Variants in ADGRG5 observed in about 807,000 individuals in gnomAD.
ADGRG5 encodes G protein-coupled receptor 114.
ADGRG5 carries 37 observed loss-of-function variants against 53.2 expected under a neutral mutation model. The ratio of observed to expected loss-of-function variants is 0.70; its 90% CI spans 0.53 to 0.91. The LOEUF (loss-of-function observed/expected upper bound fraction) is 0.91. Among genes scored for constraint, ADGRG5 ranks in the 40% least tolerant of loss-of-function variants. ADGRG5 has a pLI of 0.00. For missense variants in ADGRG5, 614 were observed against 675.8 expected (o/e 0.91, Z 1.01); for synonymous variants, 277 against 290.4 (o/e 0.95, Z 0.47).
intron 1 of ADGRG5, among the ~76,000 whole-genome samples, chr16:57,553,434 A>T (rs1412566931): frequency 6.6e-5 from 10 of 152,272 alleles, no homozygotes. Flanking sequence ...TGAATCAATT[A>T]TCCTTTCTCT....
At chr16:57,547,237 A>G (rs1464662235) in intron 1 of ADGRG5, among the ~76,000 whole-genome samples, 1 of 152,204 alleles carries the variant, frequency 6.6e-6, no homozygotes, top group African/African-American at 2.4e-5. Context: ...AATACAGAAA[A>G]TATAAAAGGA....
rs1339282617 is a variant in ADGRG5, at chr16:57,567,860, C to A, written c.826C>A (p.Gln276Lys). ...TVLLHFHFRKQSDSLTRIHMN... is the reference protein window; with the variant it reads ...TVLLHFHFRKKSDSLTRIHMN... Reference sequence around the variant, plus strand: ...GGACCATTCTCTCACCTGCAGGAAGCAGAGTGACTCCTTAACACGCATCCA... The same window carrying A: ...GGACCATTCTCTCACCTGCAGGAAGAAGAGTGACTCCTTAACACGCATCCA... Residue 276 changes from glutamine (Q) to lysine (K), a missense_variant, in exon 9 of 12, where the codon CAG becomes AAG. Physicochemically the swap from Gln to Lys is moderately conservative, Grantham distance 53. Coordinates refer to ENST00000349457, the MANE Select transcript of ADGRG5 (RefSeq NM_001304376.3). 2 of 1,608,152 alleles carry A rather than the reference C, an allele frequency of 1.2e-6. No individual in the cohort carries two copies. Among genetic ancestry groups the A allele is most frequent in the Non-Finnish European group, 1.7e-6 (2 of 1,178,798 alleles).
At chr16:57,549,251 C>T (rs1291393940) in intron 1 of ADGRG5, among the ~76,000 whole-genome samples, 3 of 152,222 alleles carry the variant, frequency 2.0e-5, no homozygotes, top group Admixed American at 1.3e-4. Flanking sequence ...CGTCCCCTTG[C>T]AGATGAGGCT....
chr16:57,544,044 C>T lies in ADGRG5; in HGVS notation c.-39+1343C>T, dbSNP rs1043158794. On this transcript the variant is annotated intron_variant, in intron 1 of 11. Transcript: ENST00000349457. ...TCTTCCAAAGGCTCTGTCCTGTGCT[C>T]CACAGCTCCTCATTTCTCTATTGGC... 5.9e-5 allele frequency among the ~76,000 whole-genome samples: 9 copies of T among 152,156 alleles called. No individual in the cohort carries two copies. The East Asian group carries it at 1.3e-3, about 23-fold the overall frequency.
Position 57,575,490 on chromosome 16 carries a change from G to A in ADGRG5, c.1539G>A (p.Glu513=). 6.2e-7 allele frequency: 1 copy of A among 1,614,230 alleles called. No homozygotes were observed. ...CCCAGCGGTGCCGCTCAGAAGCAGA[G>A]GCCAAGGCACAGATAGAGGCCTTCA... ...FCSQRCRSEA[E]AKAQIEAFSS... The change falls in exon 12 of 12, where the codon GAG becomes GAA. Residue 513 remains glutamate, a synonymous_variant. Coordinates refer to ENST00000349457, the MANE Select transcript of ADGRG5 (RefSeq NM_001304376.3).
At chr16:57,562,785 C>T (rs781160321) in intron 3 of ADGRG5, among the ~76,000 whole-genome samples, 3 of 152,090 alleles carry the variant, frequency 2.0e-5, no homozygotes, top group East Asian at 1.9e-4. Flanking sequence ...TCTAGGTGAG[C>T]GGCCAATGCT....
In ADGRG5 at chr16:57,570,794, G is replaced by A. The variant is rs1057502802; in HGVS notation, c.1208+259G>A. On this transcript the variant is annotated intron_variant, in intron 10 of 11. Coordinates refer to ENST00000349457, the MANE Select transcript of ADGRG5 (RefSeq NM_001304376.3). ...TGCTCGCCAACCTGCCAGGGCAGCC[G>A]GGCCTCCCGCCTCCTCTGTCCTGCC... 3.9e-5 allele frequency among the ~76,000 whole-genome samples: 6 copies of A among 152,154 alleles called. No individual in the cohort carries two copies. In the East Asian group the frequency reaches 5.8e-4, roughly 15 times the overall value.
chr16:57,575,468 A>G lies in ADGRG5; in HGVS notation c.1517A>G (p.Gln506Arg). 1 of 1,614,160 alleles carries G rather than the reference A, an allele frequency of 6.2e-7. No individual in the cohort carries two copies. The highest frequency in any genetic ancestry group is 1.1e-5 in the South Asian group (1 of 91,086). The part of the protein sequence containing the change: ...GFFLFLWFCS[Q>R]RCRSEAEAKA... ...TTCCTTTTCCTGTGGTTCTGCTCCC[A>G]GCGGTGCCGCTCAGAAGCAGAGGCC... Residue 506 changes from glutamine to arginine, a missense_variant, in exon 12 of 12, where the codon CAG becomes CGG. By Grantham distance (43) the Gln-to-Arg change is conservative. Coordinates refer to ENST00000349457, the MANE Select transcript of ADGRG5 (RefSeq NM_001304376.3).
chr16:57,558,543 C>G (rs1175416751), intron 1 of ADGRG5, among the ~76,000 whole-genome samples: 1 of 152,216 alleles, frequency 6.6e-6, no homozygotes, highest in Non-Finnish European at 1.5e-5. Flanking sequence ...TTCTCCTGCT[C>G]TAGCTTCAGC....
intron 9 of ADGRG5, among the ~76,000 whole-genome samples, chr16:57,570,008 T>TCACCACCTCTTC (rs111784565): frequency 6.7e-6 from 1 of 150,366 alleles, no homozygotes; most frequent in Non-Finnish European, 1.5e-5. Flanking sequence ...TTCACCACCA[T>TCACCACCTCTTC]CACCACCTAC....
intron 9 of ADGRG5, among the ~76,000 whole-genome samples, chr16:57,569,038 T>G (rs2033245996): frequency 6.9e-6 from 1 of 145,762 alleles, no homozygotes; most frequent in African/African-American, 2.6e-5. Flanking sequence ...CATCACCATC[T>G]CCTCCACCTC....
chr16:57,575,412 G>T, intron 11 of ADGRG5, 26 bp from the exon 12 acceptor site: 1 of 1,608,452 alleles, frequency 6.2e-7, no homozygotes, highest in Non-Finnish European at 8.5e-7. Context: ...ATGCTGCCCC[G>T]TGGAACTCCC....
chr16:57,566,764 C>A lies in ADGRG5; in HGVS notation c.699+13C>A. On this transcript the variant is annotated intron_variant, in intron 7 of 11. Transcript: ENST00000349457. Reference sequence around the variant, plus strand: ...TGCTGTTCTCATGGTATGTATGCATCCTGAGTGGGGCTCAGAGCTACAGAG... The same window carrying A: ...TGCTGTTCTCATGGTATGTATGCATACTGAGTGGGGCTCAGAGCTACAGAG... The A allele has an allele frequency of 6.9e-7, 1 of 1,457,704 alleles. No homozygotes were observed. 90.3% of individuals were successfully genotyped at this position (1,457,704 alleles called of 1,614,324 possible). A position where few individuals can be genotyped will look rare whatever the true frequency, so the allele number is the denominator to read the frequency against.
At chr16:57,565,208 T>C (rs2033103904) in intron 6 of ADGRG5, 58 bp downstream of exon 6, 1 of 1,027,166 alleles carries the variant, frequency 9.7e-7, no homozygotes, top group Admixed American at 1.8e-5. Flanking sequence ...GACTCTCCTG[T>C]TGAACACTGG....
In ADGRG5 at chr16:57,567,838, C is replaced by T; in HGVS notation, c.822-18C>T. The T allele has an allele frequency of 6.2e-7, 1 of 1,600,794 alleles. No homozygotes were observed. ...GGTGATGTCCCTGGGCCATGGAGGACCATTCTCTCACCTGCAGGAAGCAGA... is the reference window on the plus strand; with the variant it reads ...GGTGATGTCCCTGGGCCATGGAGGATCATTCTCTCACCTGCAGGAAGCAGA... On this transcript the variant is annotated intron_variant, in intron 8 of 11. Coordinates refer to ENST00000349457, the MANE Select transcript of ADGRG5 (RefSeq NM_001304376.3).
In ADGRG5 at chr16:57,575,052, G is replaced by T. The variant is rs1040005962; in HGVS notation, c.1446G>T (p.Leu482=). The change falls in exon 11 of 12, where the codon CTG becomes CTT. Residue 482 remains leucine (L), a synonymous_variant. Coordinates refer to ENST00000349457, the MANE Select transcript of ADGRG5 (RefSeq NM_001304376.3). ...LAFFSFGVFL[L]PQLFLFTILN... is the part of the protein sequence containing the mutation. ...TCTTTTCTTTTGGCGTCTTCCTGCT[G>T]CCCCAGCTGTTCCTCTTCACCATCT... The T allele has an allele frequency of 2.5e-6, 4 of 1,613,750 alleles. No homozygotes were observed. The highest frequency in any genetic ancestry group is 3.4e-6 in the Non-Finnish European group (4 of 1,179,986).
upstream of ADGRG5, among the ~76,000 whole-genome samples, chr16:57,539,190 G>A (rs557996131): frequency 4.7e-4 from 72 of 152,300 alleles, no homozygotes; most frequent in African/African-American, 1.7e-3. Context: ...GAGGAACCTT[G>A]AAGACGTCAT....
intron 1 of ADGRG5, among the ~76,000 whole-genome samples, chr16:57,554,981 G>T (rs1038968789): frequency 5.9e-5 from 9 of 151,740 alleles, no homozygotes; most frequent in East Asian, 1.9e-4. Flanking sequence ...ATTTTTTGAG[G>T]CCTCTTTATG....
chr16:57,567,627 C>G, intron 8 of ADGRG5, 36 bp downstream of exon 8: 2 of 1,600,648 alleles, frequency 1.2e-6, no homozygotes, highest in Non-Finnish European at 1.7e-6. Flanking sequence ...CTGCCCTGCA[C>G]TGTGGCACAT....
Sources: gnomAD v4.1 joint callset for allele counts (sites outside exome capture counted in the v4.1 genomes callset) on GRCh38, gnomAD v4.1.1 for gene constraint, MANE v1.5 for transcripts, NCBI Gene and HGNC (gene_info 2026-07-23, HGNC 2026-07-21) for gene names.